POLDIP3: variants seen among roughly 807,000 people sequenced by gnomAD.
POLDIP3 encodes DNA polymerase delta interacting protein 3, also known as polymerase delta-interacting protein 3.
A neutral mutation model predicts 45.1 loss-of-function variants in POLDIP3; 14 were observed. The ratio of observed to expected loss-of-function variants is 0.31; its 90% confidence interval spans 0.20 to 0.49. POLDIP3 has a LOEUF of 0.49. Among genes scored for constraint, POLDIP3 ranks in the 20% least tolerant of loss-of-function variants. POLDIP3 has a pLI of 0.99. For missense variants in POLDIP3, 511 were observed against 538.8 expected (o/e 0.95, Z 0.51); for synonymous variants, 223 against 205.2 (o/e 1.09, Z -0.74).
intron 1 of POLDIP3, among the ~76,000 whole-genome samples, chr22:42,605,091 C>G (rs1926636196): frequency 6.6e-6 from 1 of 152,180 alleles, no homozygotes; most frequent in Non-Finnish European, 1.5e-5. Context: ...CCTGGACTTC[C>G]CAGACTCTCT....
chr22:42,586,074 A>C, intron 8 of POLDIP3, 106 bp from the exon 9 acceptor site: 1 of 1,053,572 alleles, frequency 9.5e-7, no homozygotes, highest in Non-Finnish European at 1.3e-6. Flanking sequence ...ACTGGGTGTA[A>C]CACTTTCCAT....
chr22:42,613,073 T>C (rs1039176352), intron 1 of POLDIP3, among the ~76,000 whole-genome samples: 2 of 151,896 alleles, frequency 1.3e-5, no homozygotes, highest in African/African-American at 2.4e-5. Flanking sequence ...ACCAAAAACA[T>C]AGAGATCAAA....
chr22:42,599,119 A>T (rs1926184121), intron 4 of POLDIP3, among the ~76,000 whole-genome samples: 1 of 152,238 alleles, frequency 6.6e-6, no homozygotes, highest in African/African-American at 2.4e-5. Flanking sequence ...CCACTGTGGG[A>T]TCACTCACAC....
Position 42,585,718 on chromosome 22 carries a change from G to T in POLDIP3, c.*73C>A. ...GGGGTCTCCAGTCCGATGGCCCATTGGTCATAAGCTTTGCCTTGGGGAAAC... is the reference window on the plus strand; with the variant it reads ...GGGGTCTCCAGTCCGATGGCCCATTTGTCATAAGCTTTGCCTTGGGGAAAC... On this transcript the variant is annotated 3_prime_UTR_variant, in exon 9 of 9. Transcript: ENST00000252115. 6.6e-7 allele frequency: 1 copy of T among 1,508,948 alleles called. No homozygotes were observed. Among genetic ancestry groups the T allele is most frequent in the South Asian group, 1.3e-5 (1 of 78,742 alleles). The allele number at this position is 1,508,948 out of a possible 1,614,324, so 93.5% of individuals were successfully genotyped here. A position where few individuals can be genotyped will look rare whatever the true frequency, so the allele number is the denominator to read the frequency against.
At position 42,587,401 on chromosome 22, in the gene POLDIP3, G is replaced by A. The variant is rs1962548402; in HGVS notation, c.1088+105C>T. ...CAGCTGCCATTAGAACAGAGGAAAC[G>A]GAATGGGGGGATGAAGGGGAGCTGT... On this transcript the variant is annotated intron_variant, in intron 8 of 8. Transcript: ENST00000252115. 8 of 1,187,202 alleles carry A rather than the reference G, an allele frequency of 6.7e-6. No homozygotes were observed. The East Asian group carries it at 9.4e-5, about 14-fold the overall frequency. 73.5% of individuals were successfully genotyped at this position (1,187,202 alleles called of 1,614,324 possible). A position where few individuals can be genotyped will look rare whatever the true frequency, so the allele number is the denominator to read the frequency against.
intron 6 of POLDIP3, 120 bp from the exon 7 acceptor site, chr22:42,592,204 A>C: frequency 6.9e-7 from 1 of 1,448,214 alleles, no homozygotes; most frequent in Non-Finnish European, 9.4e-7. Context: ...TGCGCCTGAG[A>C]CTGCGGGGAG....
intron 1 of POLDIP3, among the ~76,000 whole-genome samples, chr22:42,612,373 G>A (rs956407963): frequency 2.6e-5 from 4 of 152,248 alleles, no homozygotes; most frequent in Non-Finnish European, 4.4e-5. Context: ...GACGGTCCTA[G>A]GGAAAGTGGG....
intron 6 of POLDIP3, among the ~76,000 whole-genome samples, chr22:42,592,438 G>C (rs1272661402): frequency 6.6e-6 from 1 of 152,222 alleles, no homozygotes; most frequent in East Asian, 1.9e-4. Context: ...AAGAAAGACA[G>C]CTGCTAATAT....
chr22:42,594,549 G>A (rs1177351473), intron 6 of POLDIP3, among the ~76,000 whole-genome samples: 1 of 152,152 alleles, frequency 6.6e-6, no homozygotes, highest in Non-Finnish European at 1.5e-5. Context: ...TTTAACAAAT[G>A]TAGTGACCAG....
chr22:42,613,622 G>A (rs893001407), intron 1 of POLDIP3, among the ~76,000 whole-genome samples: 3 of 152,182 alleles, frequency 2.0e-5, no homozygotes, highest in South Asian at 2.1e-4. Flanking sequence ...TTAGCCGGGC[G>A]TGGTGGTGCA....
chr22:42,613,967 G>A (rs1601914697), intron 1 of POLDIP3, among the ~76,000 whole-genome samples: 1 of 152,212 alleles, frequency 6.6e-6, no homozygotes, highest in South Asian at 2.1e-4. Flanking sequence ...TAAGGGTCTA[G>A]GGGAAGTTTG....
chr22:42,608,062 C>T (rs1164442241), intron 1 of POLDIP3, among the ~76,000 whole-genome samples: 1 of 152,216 alleles, frequency 6.6e-6, no homozygotes, highest in African/African-American at 2.4e-5. Context: ...GGGAGGTGTA[C>T]CCAACAGCTC....
Position 42,590,943 on chromosome 22 carries a change from G to A in POLDIP3, c.1021+1012C>T, listed in dbSNP as rs1200724433. On this transcript the variant is annotated intron_variant, in intron 7 of 8. Coordinates refer to ENST00000252115, the MANE Select transcript of POLDIP3 (RefSeq NM_032311.5). ...AAAAAAATTAGCTGGGCTTGGTGGCGTGCACCTGTAGTCCCAGCTACTTGG... is the reference window on the plus strand; with the variant it reads ...AAAAAAATTAGCTGGGCTTGGTGGCATGCACCTGTAGTCCCAGCTACTTGG... Among the ~76,000 whole-genome samples the A allele has an allele frequency of 6.6e-5, 10 of 151,956 alleles. No homozygotes were observed. The East Asian group carries it at 9.6e-4, about 15-fold the overall frequency.
At position 42,595,566 on chromosome 22, in the gene POLDIP3, G is replaced by A. The variant is rs752873973; in HGVS notation, c.862C>T (p.His288Tyr). The A allele has an allele frequency of 2.5e-5, 40 of 1,613,950 alleles. No homozygotes were observed. Among genetic ancestry groups the A allele is most frequent in the Non-Finnish European group, 3.2e-5 (38 of 1,179,986 alleles). The change falls in exon 6 of 9, where the codon CAC (histidine) becomes TAC (tyrosine). Residue 288 changes from histidine (H) to tyrosine (Y), a missense_variant. Coordinates refer to ENST00000252115, the MANE Select transcript of POLDIP3 (RefSeq NM_032311.5). ...ATGTCCTCCTCAGTGACTCGAGGGTGCAGATTATTCACAGTCATCTTGGTG... is the reference window on the plus strand; with the variant it reads ...ATGTCCTCCTCAGTGACTCGAGGGTACAGATTATTCACAGTCATCTTGGTG... ...EGTKMTVNNL[H>Y]PRVTEEDIVE...
chr22:42,601,258 C>A (rs1413830568), intron 3 of POLDIP3, among the ~76,000 whole-genome samples: 2 of 151,592 alleles, frequency 1.3e-5, no homozygotes, highest in African/African-American at 4.9e-5. Context: ...CACCTGTAAT[C>A]CCAGCTCTCA....
In POLDIP3 at chr22:42,603,123, G is replaced by A. The variant is rs1160566631; in HGVS notation, c.97C>T (p.Arg33Ter). Residue 33 changes from arginine (R) to a stop codon, truncating the protein, a stop_gained, in exon 2 of 9, where the codon CGA (arginine) becomes TGA (stop). Coordinates refer to ENST00000252115, the MANE Select transcript of POLDIP3 (RefSeq NM_032311.5). LOFTEE classifies it high-confidence loss of function. ...ARPGVGGVRS[R>*]VGIQQGLLSQ... is the part of the protein sequence containing the mutation. ...AGAAGGCCTTGCTGGATCCCAACTC[G>A]AGATCGGACACCTCCAACTCCCGGT... The A allele has an allele frequency of 6.2e-7, 1 of 1,614,090 alleles. No individual in the cohort carries two copies. Among genetic ancestry groups the A allele is most frequent in the East Asian group, 2.2e-5 (1 of 44,884 alleles).
At chr22:42,606,615 C>T (rs1467047470) in intron 1 of POLDIP3, among the ~76,000 whole-genome samples, 2 of 152,150 alleles carry the variant, frequency 1.3e-5, no homozygotes, top group East Asian at 1.9e-4. Context: ...AGAGCAAGAC[C>T]CTGTCTCAAA....
chr22:42,585,888 G>T lies in POLDIP3; in HGVS notation c.1169C>A (p.Pro390His). ...GATGGTGTCAGGGTCCACTTCGGCA[G>T]GGGGGTTGGAGGAGGAGGCAGAGTT... The part of the protein sequence containing the change: ...RVNSASSSNP[P>H]AEVDPDTILK... The change falls in exon 9 of 9, where the codon CCT (proline) becomes CAT (histidine). Residue 390 changes from proline to histidine, a missense_variant. Physicochemically the swap from Pro to His is moderately conservative, Grantham distance 77. This residue lies in a region of POLDIP3 where 45 missense variants were observed against 34.3 expected (regional missense o/e 1.31). Transcript: ENST00000252115. The T allele has an allele frequency of 1.2e-6, 2 of 1,612,950 alleles. No homozygotes were observed. Among genetic ancestry groups the T allele is most frequent in the Non-Finnish European group, 1.7e-6 (2 of 1,179,574 alleles).
chr22:42,585,982 A>G lies in POLDIP3; in HGVS notation c.1089-14T>C. 6.3e-7 allele frequency: 1 copy of G among 1,585,414 alleles called. No homozygotes were observed. Among genetic ancestry groups the G allele is most frequent in the Non-Finnish European group, 8.6e-7 (1 of 1,166,634 alleles). On this transcript the variant is annotated splice_polypyrimidine_tract_variant and intron_variant, in intron 8 of 8. Transcript: ENST00000252115. ...TCACTCAGCCGCCTGTGGAGAGCAG[A>G]GAAGAGTCAAAAATTCTTGTCAGTT...
Sources: allele counts gnomAD v4.1 joint callset (sites outside exome capture counted in the v4.1 genomes callset), GRCh38; gene constraint gnomAD v4.1.1; regional missense constraint gnomAD v4.1.1; transcripts MANE v1.5; gene names NCBI Gene and HGNC (gene_info 2026-07-23, HGNC 2026-07-21).